GABBR2: variants seen among roughly 807,000 people sequenced by gnomAD.
GABBR2 encodes the protein G-protein coupled receptor 51.
GABBR2 carries 23 observed loss-of-function variants against 105.6 expected under a neutral mutation model. The observed-to-expected ratio is 0.22, with a 90% CI of 0.16 to 0.31. The LOEUF (loss-of-function observed/expected upper bound fraction) is 0.31. Ranked by LOEUF, GABBR2 falls within the 10% of genes least tolerant of loss-of-function variation. The pLI is 1.00. For missense variants in GABBR2, 734 were observed against 1,245.5 expected (o/e 0.59, Z 6.18); for synonymous variants, 478 against 499.7 (o/e 0.96, Z 0.58).
intron 1 of GABBR2, among the ~76,000 whole-genome samples, chr9:98,682,366 C>CTTCTTTTTTT (rs1830561030): frequency 1.9e-5 from 1 of 52,226 alleles, no homozygotes; most frequent in African/African-American, 7.4e-5. Flanking sequence ...ATTTTACCAT[C>CTTCTTTTTTT]TTTTTTTTTT....
intron 14 of GABBR2, among the ~76,000 whole-genome samples, chr9:98,310,561 C>T (rs10985825): frequency 0.17 from 25,799 of 152,066 alleles, 2,308 homozygotes; most frequent in Middle Eastern, 0.23. Context: ...TCTTTGATTT[C>T]AAAAGATGAG....
chr9:98,481,044 C>T, intron 4 of GABBR2, 47 bp from the exon 5 acceptor site: 1 of 1,150,570 alleles, frequency 8.7e-7, no homozygotes, highest in South Asian at 1.2e-5. Flanking sequence ...TGTTCAGCAC[C>T]CCATAAAGGG....
chr9:98,687,193 G>A (rs1192461649), intron 1 of GABBR2, among the ~76,000 whole-genome samples: 2 of 151,590 alleles, frequency 1.3e-5, no homozygotes, highest in African/African-American at 4.9e-5. Flanking sequence ...CATGGGCTCA[G>A]TTCCAAGCAG....
In GABBR2 at chr9:98,468,274, C is replaced by CA. The variant is rs1344731029; in HGVS notation, c.999+4871dup. On this transcript the variant is annotated intron_variant, in intron 6 of 18. Coordinates refer to ENST00000259455, the MANE Select transcript of GABBR2 (RefSeq NM_005458.8). Reference sequence around the variant, plus strand: ...GGGACAGCTGGATGCTAGAGACAGGCATACAAAGGAGGGAACCTTGGAGAA... The same window carrying CA: ...GGGACAGCTGGATGCTAGAGACAGGCAATACAAAGGAGGGAACCTTGGAGAA... Among the ~76,000 whole-genome samples, 4 of 152,278 alleles carry CA rather than the reference C, an allele frequency of 2.6e-5. No individual in the cohort carries two copies. The South Asian group carries it at 8.3e-4, about 32-fold the overall frequency.
chr9:98,398,437 C>A (rs1832332997), intron 8 of GABBR2, among the ~76,000 whole-genome samples: 1 of 152,044 alleles, frequency 6.6e-6, no homozygotes, highest in Non-Finnish European at 1.5e-5. Context: ...CCATCCCCAA[C>A]CTGGGTCTTG....
At chr9:98,467,533 T>C (rs1331443829) in intron 6 of GABBR2, among the ~76,000 whole-genome samples, 2 of 152,180 alleles carry the variant, frequency 1.3e-5, no homozygotes, top group African/African-American at 4.8e-5. Flanking sequence ...CCGCAGCACC[T>C]TTCCTTCCTC....
chr9:98,529,923 C>T (rs187543276), intron 3 of GABBR2, among the ~76,000 whole-genome samples: 2 of 152,352 alleles, frequency 1.3e-5, no homozygotes, highest in African/African-American at 4.8e-5. Flanking sequence ...TCATTCTGTT[C>T]ATGGAGCTAT....
At chr9:98,644,517 C>T (rs538823609) in intron 1 of GABBR2, among the ~76,000 whole-genome samples, 1 of 152,306 alleles carries the variant, frequency 6.6e-6, no homozygotes, top group South Asian at 2.1e-4. Flanking sequence ...CTGGCTTTCT[C>T]ACTTGTAGTT....
chr9:98,619,160 A>C (rs1466371361), intron 1 of GABBR2, among the ~76,000 whole-genome samples: 2 of 152,132 alleles, frequency 1.3e-5, no homozygotes, highest in Non-Finnish European at 2.9e-5. Flanking sequence ...ACTCCCTAGC[A>C]AAAGGAAAAC....
chr9:98,468,744 T>C (rs1210071502), intron 6 of GABBR2, among the ~76,000 whole-genome samples: 2 of 152,136 alleles, frequency 1.3e-5, no homozygotes, highest in Non-Finnish European at 2.9e-5. Context: ...TGTGACTTGC[T>C]GAGGTTGCAG....
intron 18 of GABBR2, among the ~76,000 whole-genome samples, chr9:98,291,897 G>C (rs1830308500): frequency 6.6e-6 from 1 of 152,234 alleles, no homozygotes; most frequent in Non-Finnish European, 1.5e-5. Context: ...TAAATACTCA[G>C]AAATGAAGCC....
At chr9:98,541,494 A>C (rs1275620415) in intron 3 of GABBR2, among the ~76,000 whole-genome samples, 1 of 152,180 alleles carries the variant, frequency 6.6e-6, no homozygotes, top group African/African-American at 2.4e-5. Context: ...TCTTCGGTCC[A>C]AGCCAGCCCT....
intron 11 of GABBR2, among the ~76,000 whole-genome samples, chr9:98,372,041 A>G (rs1236562896): frequency 2.6e-5 from 4 of 152,192 alleles, no homozygotes; most frequent in Non-Finnish European, 5.9e-5. Flanking sequence ...CAGACTGGCC[A>G]CTGAGCCCAC....
chr9:98,689,045 T>C (rs1830654035), intron 1 of GABBR2, among the ~76,000 whole-genome samples: 1 of 152,236 alleles, frequency 6.6e-6, no homozygotes, highest in Non-Finnish European at 1.5e-5. Context: ...ACTCCGGTTC[T>C]AGTCCCAGCC....
At chr9:98,648,080 G>GGTGTGTGTGT (rs1554723457) in intron 1 of GABBR2, among the ~76,000 whole-genome samples, 7 of 67,978 alleles carry the variant, frequency 1.0e-4, no homozygotes, top group African/African-American at 3.2e-4. Context: ...AATCATACAG[G>GGTGTGTGTGT]GTGTGTGTGT....
intron 3 of GABBR2, among the ~76,000 whole-genome samples, chr9:98,508,701 C>T (rs1588202501): frequency 6.6e-6 from 1 of 152,200 alleles, no homozygotes; most frequent in East Asian, 1.9e-4. Flanking sequence ...TGCAAGGCAA[C>T]AGCGAGGCTG....
intron 7 of GABBR2, among the ~76,000 whole-genome samples, chr9:98,423,471 A>C (rs1832820616): frequency 6.6e-6 from 1 of 152,006 alleles, no homozygotes; most frequent in Non-Finnish European, 1.5e-5. Flanking sequence ...TTTCTTGTAA[A>C]TTTGTTTGAG....
At position 98,670,429 on chromosome 9, in the gene GABBR2, T is replaced by C. The variant is rs1457652444; in HGVS notation, c.321+37988A>G. ...GATACAGATGCTATGGAAAACAATA[T>C]GGCGGTTCCCCCCTAAAAATTATCA... On this transcript the variant is annotated intron_variant, in intron 1 of 18. Coordinates refer to ENST00000259455, the MANE Select transcript of GABBR2 (RefSeq NM_005458.8). Among the ~76,000 whole-genome samples, 6 of 152,198 alleles carry C rather than the reference T, an allele frequency of 3.9e-5. No homozygotes were observed. The South Asian group carries it at 6.2e-4, about 16-fold the overall frequency.
At chr9:98,524,809 TA>T (rs1042925521) in intron 3 of GABBR2, among the ~76,000 whole-genome samples, 1 of 151,900 alleles carries the variant, frequency 6.6e-6, no homozygotes, top group African/African-American at 2.4e-5. Flanking sequence ...CTAAGTCAGA[TA>T]AAATCCCTCT....
Sources: gnomAD v4.1 joint callset for allele counts (sites outside exome capture counted in the v4.1 genomes callset) on GRCh38, gnomAD v4.1.1 for gene constraint, MANE v1.5 for transcripts, NCBI Gene and HGNC (gene_info 2026-07-23, HGNC 2026-07-21) for gene names.